Variants in GAS2 observed in about 807,000 individuals in gnomAD.
GAS2 encodes growth arrest-specific protein 2.
In GAS2, 20 loss-of-function variants were observed where a neutral mutation model predicts 37.5. The ratio of observed to expected loss-of-function variants is 0.53; its 90% CI spans 0.37 to 0.77. The LOEUF (loss-of-function observed/expected upper bound fraction) is 0.77. GAS2 is among the 30% of genes least tolerant of loss of function. The probability of loss-of-function intolerance (pLI) is 0.00; values close to 1 mark genes in which losing one functional copy is unlikely to be tolerated. For synonymous variants in GAS2, 144 were observed against 132.2 expected, an observed-to-expected ratio of 1.09 and a Z score of -0.61; for missense variants, 336 against 373.4, an observed-to-expected ratio of 0.90 and a Z score of 0.82.
intron 3 of GAS2, among the ~76,000 whole-genome samples, chr11:22,699,449 G>T (rs976428892): frequency 6.6e-6 from 1 of 152,104 alleles, no homozygotes; most frequent in Non-Finnish European, 1.5e-5. Context: ...AGATATGGGG[G>T]TACTGCTTAG....
intron 7 of GAS2, among the ~76,000 whole-genome samples, chr11:22,762,661 A>G (rs536128265): frequency 6.6e-6 from 1 of 152,330 alleles, no homozygotes; most frequent in Non-Finnish European, 1.5e-5. Context: ...ATTCAATTGC[A>G]TAATCAATAG....
chr11:22,728,194 C>T (rs955388506), intron 4 of GAS2, among the ~76,000 whole-genome samples: 3 of 151,898 alleles, frequency 2.0e-5, no homozygotes, highest in Non-Finnish European at 4.4e-5. Context: ...GTCTCATTTT[C>T]TCATTGTCCA....
At chr11:22,680,987 C>T (rs1849653105) in intron 2 of GAS2, among the ~76,000 whole-genome samples, 1 of 152,136 alleles carries the variant, frequency 6.6e-6, no homozygotes, top group Non-Finnish European at 1.5e-5. Context: ...TCACAGTTTT[C>T]TTGAGAAGAC....
Position 22,721,959 on chromosome 11 carries a change from A to T in GAS2, c.268-4333A>T, listed in dbSNP as rs541896923. ...AATGCTTACTAATACACTTTAATTA[A>T]TTTGCACCCCCATACACATAGTCAA... On this transcript the variant is annotated intron_variant, in intron 3 of 7. Transcript: ENST00000454584. Among the ~76,000 whole-genome samples the T allele has an allele frequency of 1.0e-3, 156 of 152,104 alleles. 4 individuals carry two copies. The highest frequency in any genetic ancestry group is 1.0e-4 in the Non-Finnish European group (7 of 67,936).
intron 1 of GAS2, 117 bp from the exon 2 acceptor site, chr11:22,674,733 A>T: frequency 1.4e-6 from 1 of 731,026 alleles, no homozygotes; most frequent in Admixed American, 3.3e-5. Context: ...GTTAATAATT[A>T]ATAAACTGAA....
At chr11:22,782,882 C>T (rs1438591123) in intron 7 of GAS2, among the ~76,000 whole-genome samples, 12 of 149,150 alleles carry the variant, frequency 8.0e-5, no homozygotes, top group Non-Finnish European at 1.5e-5. Context: ...CGTCTTTGCT[C>T]TTGTGAATAG....
chr11:22,792,719 T>C (rs551361882), intron 7 of GAS2, among the ~76,000 whole-genome samples: 1 of 152,184 alleles, frequency 6.6e-6, no homozygotes, highest in Non-Finnish European at 1.5e-5. Context: ...AACAATAGGC[T>C]CATTTATGAG....
At chr11:22,671,037 CAG>C (rs1314163979) in intron 1 of GAS2, among the ~76,000 whole-genome samples, 1 of 152,094 alleles carries the variant, frequency 6.6e-6, no homozygotes, top group Non-Finnish European at 1.5e-5. Flanking sequence ...ACTTTTTCTT[CAG>C]AGTCAAAACT....
At chr11:22,700,757 T>C (rs899025936) in intron 3 of GAS2, among the ~76,000 whole-genome samples, 1 of 152,194 alleles carries the variant, frequency 6.6e-6, no homozygotes, top group Admixed American at 6.5e-5. Context: ...GCTTGCAGTA[T>C]AAAATAAGCA....
chr11:22,685,259 T>A (rs1167050621), intron 2 of GAS2, among the ~76,000 whole-genome samples: 1 of 152,134 alleles, frequency 6.6e-6, no homozygotes, highest in East Asian at 1.9e-4. Flanking sequence ...GCCTTGTGGG[T>A]CAAAGTAATT....
chr11:22,639,911 G>C (rs1858888877), intron 1 of GAS2, among the ~76,000 whole-genome samples: 1 of 152,176 alleles, frequency 6.6e-6, no homozygotes, highest in Non-Finnish European at 1.5e-5. Context: ...GGTCTGGGAA[G>C]TGAGTGTCAT....
intron 7 of GAS2, among the ~76,000 whole-genome samples, chr11:22,798,740 T>G (rs1299230789): frequency 6.6e-6 from 1 of 152,040 alleles, no homozygotes; most frequent in Non-Finnish European, 1.5e-5. Flanking sequence ...TTATTAGTAG[T>G]GCCTCAGTTT....
At chr11:22,694,342 A>G (rs796697346) in intron 3 of GAS2, among the ~76,000 whole-genome samples, 7 of 152,238 alleles carry the variant, frequency 4.6e-5, no homozygotes, top group African/African-American at 1.4e-4. Context: ...TTAAGTGCCA[A>G]CGTGTGTTCC....
chr11:22,737,660 T>C, intron 4 of GAS2, 45 bp from the exon 5 acceptor site: 1 of 1,584,736 alleles, frequency 6.3e-7, no homozygotes. Context: ...TTGAGCTGCT[T>C]ATTCCTTCTA....
chr11:22,763,408 C>T (rs542411318), intron 7 of GAS2, among the ~76,000 whole-genome samples: 1 of 152,230 alleles, frequency 6.6e-6, no homozygotes, highest in South Asian at 2.1e-4. Flanking sequence ...TCTTATGGCA[C>T]ATACTGATTT....
At chr11:22,756,502 C>T (rs1006467779) in intron 7 of GAS2, among the ~76,000 whole-genome samples, 4 of 152,018 alleles carry the variant, frequency 2.6e-5, no homozygotes, top group Non-Finnish European at 5.9e-5. Flanking sequence ...GATTTGAATA[C>T]GTACATCTAG....
intron 7 of GAS2, among the ~76,000 whole-genome samples, chr11:22,758,642 A>G (rs538749515): frequency 1.3e-5 from 2 of 152,264 alleles, no homozygotes; most frequent in East Asian, 3.9e-4. Flanking sequence ...CGCCAGGCAC[A>G]GTGGTTTACG....
chr11:22,671,942 C>G (rs1382142665), intron 1 of GAS2, among the ~76,000 whole-genome samples: 1 of 152,068 alleles, frequency 6.6e-6, no homozygotes, highest in Non-Finnish European at 1.5e-5. Flanking sequence ...TATTGACTTT[C>G]AGCCAAACCG....
intron 7 of GAS2, among the ~76,000 whole-genome samples, chr11:22,778,568 C>A (rs531543250): frequency 6.6e-6 from 1 of 152,258 alleles, no homozygotes. Context: ...GCCAGGCTTG[C>A]GAAGAGCGGG....
Sources: gnomAD v4.1 joint callset for allele counts (sites outside exome capture counted in the v4.1 genomes callset) on GRCh38, gnomAD v4.1.1 for gene constraint, MANE v1.5 for transcripts, NCBI Gene and HGNC (gene_info 2026-07-23, HGNC 2026-07-21) for gene names.